NELL1: variants seen among roughly 807,000 people sequenced by gnomAD.
The protein encoded by NELL1 is protein kinase C-binding protein NELL1.
A neutral mutation model predicts 107.4 loss-of-function variants in NELL1; 76 were observed. The ratio of observed to expected loss-of-function variants is 0.71; its 90% confidence interval spans 0.59 to 0.86. The LOEUF (loss-of-function observed/expected upper bound fraction) is 0.86, where lower values mean the gene tolerates loss of function less well. Among genes scored for constraint, NELL1 ranks in the 40% least tolerant of loss-of-function variants. The pLI, the probability that NELL1 is intolerant of heterozygous loss-of-function variation, is 0.00. For synonymous variants in NELL1, 353 were observed against 341.2 expected (o/e 1.03, Z -0.38); for missense variants, 1,024 against 1,005.5 (o/e 1.02, Z -0.25).
chr11:21,525,551 G>A (rs575217396), intron 15 of NELL1, among the ~76,000 whole-genome samples: 39 of 152,268 alleles, frequency 2.6e-4, no homozygotes, highest in Non-Finnish European at 4.3e-4. Flanking sequence ...CCAAAGCTAA[G>A]GTCTCCCATA....
chr11:21,456,231 G>A (rs1853731310), intron 15 of NELL1, among the ~76,000 whole-genome samples: 1 of 151,914 alleles, frequency 6.6e-6, no homozygotes, highest in African/African-American at 2.4e-5. Flanking sequence ...TTTGTATGTT[G>A]TATTGCTTGA....
chr11:20,685,172 A>C (rs1854277709), intron 2 of NELL1, among the ~76,000 whole-genome samples: 1 of 151,958 alleles, frequency 6.6e-6, no homozygotes, highest in African/African-American at 2.4e-5. Flanking sequence ...CTATGCCTGG[A>C]AACTCCCTCA....
intron 3 of NELL1, among the ~76,000 whole-genome samples, chr11:20,806,565 T>A (rs1857388864): frequency 6.6e-6 from 1 of 152,148 alleles, no homozygotes; most frequent in African/African-American, 2.4e-5. Context: ...TGTACTTAAA[T>A]ATTGACAACT....
intron 12 of NELL1, among the ~76,000 whole-genome samples, chr11:20,978,159 C>G (rs372696491): frequency 6.6e-6 from 1 of 152,242 alleles, no homozygotes; most frequent in East Asian, 1.9e-4. Flanking sequence ...AAACTTGTAT[C>G]TTTTTATACT....
At chr11:20,699,359 T>C (rs1854710591) in intron 2 of NELL1, among the ~76,000 whole-genome samples, 1 of 152,096 alleles carries the variant, frequency 6.6e-6, no homozygotes, top group Non-Finnish European at 1.5e-5. Context: ...CACATTTTCT[T>C]TTTCTTTTTC....
At chr11:20,740,408 C>T (rs1855864096) in intron 2 of NELL1, among the ~76,000 whole-genome samples, 2 of 152,196 alleles carry the variant, frequency 1.3e-5, no homozygotes, top group Admixed American at 6.5e-5. Context: ...CCTTGCATTT[C>T]CCCGGTCCCA....
At position 20,980,780 on chromosome 11, in the gene NELL1, C is replaced by T. The variant is rs1439153048; in HGVS notation, c.1300+20220C>T. Among the ~76,000 whole-genome samples the T allele has an allele frequency of 3.3e-5, 5 of 152,320 alleles. No individual in the cohort carries two copies. In the South Asian group the frequency reaches 8.3e-4, roughly 25 times the overall value. ...CCAGGGAGTCCAAGGCCCTGGGATTCTGATGTGCAGCTGTTAAGCAGTGCA... is the reference window on the plus strand; with the variant it reads ...CCAGGGAGTCCAAGGCCCTGGGATTTTGATGTGCAGCTGTTAAGCAGTGCA... On this transcript the variant is annotated intron_variant, in intron 12 of 19. Coordinates refer to ENST00000357134, the MANE Select transcript of NELL1 (RefSeq NM_006157.5).
intron 1 of NELL1, among the ~76,000 whole-genome samples, chr11:20,670,235 CCGGGGCCCGGGAGGGCGCGGT>C (rs1353790661): frequency 6.6e-6 from 1 of 152,108 alleles, no homozygotes; most frequent in Non-Finnish European, 1.5e-5. Flanking sequence ...GCGGGCGCGG[CCGGGGCCCGGGAGGGCGCGGT>C]GCGGCGAGGG....
At chr11:21,052,154 A>C (rs888459408) in intron 12 of NELL1, among the ~76,000 whole-genome samples, 1 of 152,038 alleles carries the variant, frequency 6.6e-6, no homozygotes, top group Non-Finnish European at 1.5e-5. Flanking sequence ...CCACAAGACA[A>C]GAATGAACAA....
At chr11:21,054,582 C>T (rs943316535) in intron 12 of NELL1, among the ~76,000 whole-genome samples, 6 of 151,962 alleles carry the variant, frequency 3.9e-5, no homozygotes, top group Non-Finnish European at 5.9e-5. Flanking sequence ...TGCTATTAGC[C>T]CTACCGGATT....
At chr11:20,781,357 A>G (rs1406880807) in intron 2 of NELL1, among the ~76,000 whole-genome samples, 2 of 152,192 alleles carry the variant, frequency 1.3e-5, no homozygotes. Flanking sequence ...GCACATTACA[A>G]TTTGAAATGC....
intron 16 of NELL1, among the ~76,000 whole-genome samples, chr11:21,555,083 T>G (rs1271046902): frequency 6.6e-6 from 1 of 151,956 alleles, no homozygotes; most frequent in Non-Finnish European, 1.5e-5. Flanking sequence ...ATATCTGGCT[T>G]CTTTGCCCAT....
chr11:20,826,636 G>T (rs927764671), intron 3 of NELL1, among the ~76,000 whole-genome samples: 1 of 151,060 alleles, frequency 6.6e-6, no homozygotes, highest in Admixed American at 6.7e-5. Context: ...GCACAATTCT[G>T]GATTAGGAAC....
chr11:20,818,549 G>C (rs1857678493), intron 3 of NELL1, among the ~76,000 whole-genome samples: 1 of 151,874 alleles, frequency 6.6e-6, no homozygotes, highest in Non-Finnish European at 1.5e-5. Flanking sequence ...AATCAGATTG[G>C]GAAGACATTT....
chr11:20,982,256 G>A (rs1851765193), intron 12 of NELL1, among the ~76,000 whole-genome samples: 1 of 152,164 alleles, frequency 6.6e-6, no homozygotes, highest in South Asian at 2.1e-4. Context: ...CCATGTGACT[G>A]AGAGTAGGGT....
chr11:20,759,233 T>C (rs1487996295), intron 2 of NELL1, among the ~76,000 whole-genome samples: 1 of 152,198 alleles, frequency 6.6e-6, no homozygotes, highest in African/African-American at 2.4e-5. Flanking sequence ...ACATTTAAAA[T>C]TTGGGAGTAT....
chr11:21,476,549 C>A (rs73469124), intron 15 of NELL1, among the ~76,000 whole-genome samples: 5 of 151,808 alleles, frequency 3.3e-5, no homozygotes, highest in Non-Finnish European at 5.9e-5. Context: ...GCAAGATAGC[C>A]GAATAGAAGC....
chr11:21,177,172 C>G (rs748566180), intron 13 of NELL1, among the ~76,000 whole-genome samples: 1 of 151,650 alleles, frequency 6.6e-6, no homozygotes. Flanking sequence ...GAACTATAGT[C>G]GCCATGCTAT....
At chr11:20,700,125 AAAAAAC>A (rs536294907) in intron 2 of NELL1, among the ~76,000 whole-genome samples, 298 of 108,016 alleles carry the variant, frequency 2.8e-3, no homozygotes, top group African/African-American at 0.012. Context: ...CTGTTTTTAG[AAAAAAC>A]AAAAACAAAA....
Sources: allele counts gnomAD v4.1 joint callset (sites outside exome capture counted in the v4.1 genomes callset), GRCh38; gene constraint gnomAD v4.1.1; transcripts MANE v1.5; gene names NCBI Gene and HGNC (gene_info 2026-07-23, HGNC 2026-07-21).